Variants in NOX3 observed in about 807,000 individuals in gnomAD.
NOX3 encodes the protein NADPH oxidase catalytic subunit-like 3.
Under a neutral mutation model 76.7 loss-of-function variants are expected in NOX3, and 74 were observed. The observed-to-expected ratio is 0.96, with a 90% confidence interval of 0.80 to 1.17. The LOEUF (loss-of-function observed/expected upper bound fraction) is 1.17, where lower values mean the gene tolerates loss of function less well. Ranked by LOEUF, NOX3 falls within the 50% of genes most tolerant of loss-of-function variation. The pLI, the probability that NOX3 is intolerant of heterozygous loss-of-function variation, is 0.00. For missense variants in NOX3, 695 were observed against 703.3 expected, an observed-to-expected ratio of 0.99 and a Z score of 0.13; for synonymous variants, 263 against 261.1, an observed-to-expected ratio of 1.01 and a Z score of -0.07.
Position 155,422,798 on chromosome 6 carries a change from A to G in NOX3, c.1204T>C (p.Cys402Arg), listed in dbSNP as rs368319693. 8 of 1,614,070 alleles carry G rather than the reference A, an allele frequency of 5.0e-6. No individual in the cohort carries two copies. The South Asian group carries it at 7.7e-5, about 16-fold the overall frequency. The change falls in exon 10 of 14, where the codon TGT becomes CGT. Residue 402 changes from cysteine to arginine, a missense_variant. Cys to Arg is a radical substitution (Grantham distance 180). Transcript: ENST00000159060. ...CCGATCCCCGCGGCAACGCACACACACACTGGGTAGTGAAATACATCTGTC... is the reference window on the plus strand; with the variant it reads ...CCGATCCCCGCGGCAACGCACACACGCACTGGGTAGTGAAATACATCTGTC... The part of the protein sequence containing the change: ...ALTDVFHYPV[C>R]VCVAAGIGVT...
chr6:155,423,464 C>T (rs1776716519), intron 9 of NOX3, among the ~76,000 whole-genome samples: 1 of 152,068 alleles, frequency 6.6e-6, no homozygotes, highest in Non-Finnish European at 1.5e-5. Context: ...GGTAATTAGG[C>T]CTTGGGTAGC....
At chr6:155,404,021 C>G (rs916900995) in intron 12 of NOX3, among the ~76,000 whole-genome samples, 6 of 151,600 alleles carry the variant, frequency 4.0e-5, no homozygotes, top group Non-Finnish European at 7.4e-5. Flanking sequence ...AACTGAAAAC[C>G]AAGATATAGA....
At chr6:155,399,745 T>G (rs984930051) in intron 12 of NOX3, among the ~76,000 whole-genome samples, 14 of 152,244 alleles carry the variant, frequency 9.2e-5, no homozygotes, top group African/African-American at 3.4e-4. Context: ...TTTTTTTTCT[T>G]TTATGAGGCA....
intron 4 of NOX3, among the ~76,000 whole-genome samples, chr6:155,451,314 G>C (rs896075683): frequency 6.6e-6 from 1 of 152,048 alleles, no homozygotes; most frequent in Non-Finnish European, 1.5e-5. Flanking sequence ...AGAAGAAAGA[G>C]CATGAGGAAC....
rs1002907797 is a variant in NOX3 at position 155,445,679 on chromosome 6, C to G, written c.341-2261G>C. Among the ~76,000 whole-genome samples, 7 of 151,948 alleles carry G rather than the reference C, an allele frequency of 4.6e-5. No homozygotes were observed. The South Asian group carries it at 6.2e-4, about 14-fold the overall frequency. On this transcript the variant is annotated intron_variant, in intron 4 of 13. Coordinates refer to ENST00000159060, the MANE Select transcript of NOX3 (RefSeq NM_015718.3). Reference sequence around the variant, plus strand: ...GTTGCAGTATCTATTTATCCCTGCACCCCTGATGAACTTTGACTTCTCAAG... The same window carrying G: ...GTTGCAGTATCTATTTATCCCTGCAGCCCTGATGAACTTTGACTTCTCAAG...
rs866745724 is a variant in NOX3 at position 155,400,616 on chromosome 6, C to T, written c.1581-3654G>A. Among the ~76,000 whole-genome samples, 6 of 149,598 alleles carry T rather than the reference C, an allele frequency of 4.0e-5. No homozygotes were observed. The South Asian group carries it at 6.4e-4, about 16-fold the overall frequency. ...GTACAACACCTTCTTTTTTCAGAAC[C>T]GCAGATGATAATTGTGCTGGCCAGC... On this transcript the variant is annotated intron_variant, in intron 12 of 13. Transcript: ENST00000159060.
Position 155,455,682 on chromosome 6 carries a change from A to G in NOX3, c.48+71T>C. On this transcript the variant is annotated intron_variant, in intron 1 of 13. Coordinates refer to ENST00000159060, the MANE Select transcript of NOX3 (RefSeq NM_015718.3). ...ACTTCAAGCTATTTAGCGTTCCTAT[A>G]CAAGTTTTCCTAAAAATCAAAGACT... is the stretch of plus-strand genomic sequence containing the variant. 9 of 1,247,390 alleles carry G rather than the reference A, an allele frequency of 7.2e-6. No homozygotes were observed. In the South Asian group the frequency reaches 1.0e-4, roughly 14 times the overall value. The allele number at this position is 1,247,390 out of a possible 1,614,324, so 77.3% of individuals were successfully genotyped here.
rs900449621 is a variant in NOX3 at position 155,417,541 on chromosome 6, G to A, written c.1308+5153C>T. Among the ~76,000 whole-genome samples, 8 of 152,106 alleles carry A rather than the reference G, an allele frequency of 5.3e-5. No individual in the cohort carries two copies. In the East Asian group the frequency reaches 1.3e-3, roughly 26 times the overall value. ...GTACTGAGGCCTTTTGAGGCCCTCC[G>A]AGGAAAGACAAGAAGCATACATTTC... On this transcript the variant is annotated intron_variant, in intron 10 of 13. Coordinates refer to ENST00000159060, the MANE Select transcript of NOX3 (RefSeq NM_015718.3).
chr6:155,419,574 C>CACATTTTTAT (rs1157596575), intron 10 of NOX3, among the ~76,000 whole-genome samples: 1 of 152,174 alleles, frequency 6.6e-6, no homozygotes, highest in African/African-American at 2.4e-5. Flanking sequence ...AATAGTCCCT[C>CACATTTTTAT]ACATTTTTAT....
chr6:155,453,600 G>A, intron 3 of NOX3, 112 bp from the exon 4 acceptor site: 1 of 803,430 alleles, frequency 1.2e-6, no homozygotes, highest in Non-Finnish European at 2.1e-6. Context: ...TTAAAGTGGG[G>A]CTATGTGACA....
rs375191791 is a variant in NOX3 at position 155,424,185 on chromosome 6, T to C, written c.1146-1329A>G. 3.3e-5 allele frequency among the ~76,000 whole-genome samples: 5 copies of C among 152,186 alleles called. No individual in the cohort carries two copies. The East Asian group carries it at 7.7e-4, about 23-fold the overall frequency. Reference sequence around the variant, plus strand: ...CCCTCTTATATAATTTATAGCTCCATGTTTCCCTCCTCTATAGTCCTCATC... The same window carrying C: ...CCCTCTTATATAATTTATAGCTCCACGTTTCCCTCCTCTATAGTCCTCATC... On this transcript the variant is annotated intron_variant, in intron 9 of 13. Transcript: ENST00000159060.
Position 155,418,480 on chromosome 6 carries a change from A to G in NOX3, c.1308+4214T>C, listed in dbSNP as rs1008595545. Among the ~76,000 whole-genome samples, 3 of 152,244 alleles carry G rather than the reference A, an allele frequency of 2.0e-5. No homozygotes were observed. In the South Asian group the frequency reaches 6.2e-4, roughly 32 times the overall value. On this transcript the variant is annotated intron_variant, in intron 10 of 13. Coordinates refer to ENST00000159060, the MANE Select transcript of NOX3 (RefSeq NM_015718.3). ...GTTGAAAATATTTCTTTCATGTATT[A>G]CAACTTTTTTCCATTTTCATCACAG...
intron 10 of NOX3, among the ~76,000 whole-genome samples, chr6:155,412,137 C>A (rs1371898027): frequency 1.3e-5 from 2 of 152,102 alleles, no homozygotes; most frequent in African/African-American, 4.8e-5. Context: ...ACACTCCCAC[C>A]CCTTGCTGCC....
intron 4 of NOX3, among the ~76,000 whole-genome samples, chr6:155,444,927 C>T (rs1777041518): frequency 6.6e-6 from 1 of 152,146 alleles, no homozygotes; most frequent in Non-Finnish European, 1.5e-5. Flanking sequence ...TTGAAATAAG[C>T]CATTATTTAT....
At chr6:155,421,743 C>T (rs546536636) in intron 10 of NOX3, among the ~76,000 whole-genome samples, 5 of 152,304 alleles carry the variant, frequency 3.3e-5, no homozygotes, top group East Asian at 3.9e-4. Context: ...GATCCTCCCA[C>T]TTCAATCTCC....
intron 4 of NOX3, among the ~76,000 whole-genome samples, chr6:155,448,674 C>CT (rs1777096001): frequency 6.7e-6 from 1 of 148,860 alleles, no homozygotes; most frequent in East Asian, 2.0e-4. Context: ...ATAAAGGCTA[C>CT]TATTAGAGCC....
rs181804489 is a variant in NOX3 at position 155,423,908 on chromosome 6, T to A, written c.1146-1052A>T. 1.9e-3 allele frequency among the ~76,000 whole-genome samples: 294 copies of A among 152,122 alleles called. 6 individuals are homozygous for A. In the South Asian group the frequency reaches 0.022, roughly 12 times the overall value. On this transcript the variant is annotated intron_variant, in intron 9 of 13. Coordinates refer to ENST00000159060, the MANE Select transcript of NOX3 (RefSeq NM_015718.3). Reference sequence around the variant, plus strand: ...GGCACGTGCCACCACGCCCAGCTAATTTTTTTGTATTTTTCATAGAGACGA... The same window carrying A: ...GGCACGTGCCACCACGCCCAGCTAAATTTTTTGTATTTTTCATAGAGACGA...
intron 3 of NOX3, 133 bp downstream of exon 3, chr6:155,454,678 G>C (rs1029636528): frequency 3.3e-6 from 2 of 601,048 alleles, no homozygotes; most frequent in African/African-American, 3.8e-5. Flanking sequence ...TAGCCTTTCT[G>C]TTATCTCTAA....
intron 10 of NOX3, among the ~76,000 whole-genome samples, chr6:155,415,672 A>G (rs976464102): frequency 1.3e-5 from 2 of 152,236 alleles, no homozygotes; most frequent in Admixed American, 6.5e-5. Context: ...AACTTGTGCA[A>G]CTGGGCAAAA....
Sources: allele counts gnomAD v4.1 joint callset (sites outside exome capture counted in the v4.1 genomes callset), GRCh38; gene constraint gnomAD v4.1.1; transcripts MANE v1.5; gene names NCBI Gene and HGNC (gene_info 2026-07-23, HGNC 2026-07-21).